Variants in ZNF827 observed in about 807,000 individuals in gnomAD.
ZNF827 encodes zinc finger protein 827.
A neutral mutation model predicts 102.4 loss-of-function variants in ZNF827; 13 were observed. The ratio of observed to expected loss-of-function variants is 0.13; its 90% confidence interval spans 0.08 to 0.20. The LOEUF (loss-of-function observed/expected upper bound fraction) is 0.20. ZNF827 is among the 10% of genes least tolerant of loss of function. The pLI is 1.00. For synonymous variants in ZNF827, 523 were observed against 536.2 expected (o/e 0.98, Z 0.34); for missense variants, 1,103 against 1,344.4 (o/e 0.82, Z 2.81).
chr4:145,833,701 T>A (rs894448699), intron 7 of ZNF827, among the ~76,000 whole-genome samples: 4 of 145,360 alleles, frequency 2.8e-5, no homozygotes, highest in African/African-American at 1.0e-4. Context: ...CGTATCTCTG[T>A]GCCCCAATCC....
chr4:145,778,424 G>A (rs1334487629), intron 9 of ZNF827, among the ~76,000 whole-genome samples: 3 of 152,186 alleles, frequency 2.0e-5, no homozygotes, highest in East Asian at 1.9e-4. Context: ...GTGAGCCATC[G>A]CGCCCGACAA....
chr4:145,871,557 G>A (rs1047283494), intron 4 of ZNF827, among the ~76,000 whole-genome samples: 7 of 152,110 alleles, frequency 4.6e-5, no homozygotes, highest in Admixed American at 4.6e-4. Flanking sequence ...TAGGAACTTA[G>A]GATTGATTAC....
At chr4:145,918,652 C>T (rs1752856737) in intron 1 of ZNF827, among the ~76,000 whole-genome samples, 1 of 152,154 alleles carries the variant, frequency 6.6e-6, no homozygotes, top group South Asian at 2.1e-4. Flanking sequence ...TCAGTGGTTT[C>T]CAAACCACAC....
rs765986248 is a variant in ZNF827 at position 145,902,309 on chromosome 4, G to A, written c.950C>T (p.Pro317Leu). ...TTCTGGTTTCTTCTCTGAAGGCGGG[G>A]GCGGTAGAGGGTCCTCAGGCAGCAG... ...SSLLPEDPLPPPPSEKKPEKV... is the reference protein window; with the variant it reads ...SSLLPEDPLPLPPSEKKPEKV... Residue 317 changes from proline to leucine, a missense_variant, in exon 2 of 15, where the codon CCC (proline) becomes CTC (leucine). Pro to Leu is a moderately conservative substitution (Grantham distance 98, BLOSUM62 -3). Around this residue, in one of 5 missense-constraint regions of ZNF827, gnomAD observed 441 missense variants for 458.6 expected, o/e 0.96. Coordinates refer to ENST00000508784, the MANE Select transcript of ZNF827 (RefSeq NM_001306215.2). The surrounding 1 kb of genome is among the most constrained non-coding windows in gnomAD (Gnocchi z 4.3). The A allele has an allele frequency of 6.3e-6, 10 of 1,598,822 alleles. No individual in the cohort carries two copies. The highest frequency in any genetic ancestry group is 7.7e-6 in the Non-Finnish European group (9 of 1,172,960).
chr4:145,848,372 G>A (rs1042620361), intron 6 of ZNF827, among the ~76,000 whole-genome samples: 1 of 152,224 alleles, frequency 6.6e-6, no homozygotes, highest in Non-Finnish European at 1.5e-5. Context: ...AGGTCAATGA[G>A]AAGGTGAACT....
chr4:145,831,984 T>A (rs1744252439), intron 7 of ZNF827: 1 of 152,034 alleles, frequency 6.6e-6, no homozygotes, highest in South Asian at 2.1e-4. Flanking sequence ...AATACAAGAC[T>A]GTGCATGATG....
At chr4:145,858,172 T>TGTGC (rs1187352288) in intron 5 of ZNF827, among the ~76,000 whole-genome samples, 2 of 147,864 alleles carry the variant, frequency 1.4e-5, no homozygotes, top group African/African-American at 5.0e-5. Flanking sequence ...TGTGTGTGTG[T>TGTGC]GCACATGTGG....
chr4:145,808,112 A>C (rs1183825941), intron 8 of ZNF827, among the ~76,000 whole-genome samples: 2 of 150,910 alleles, frequency 1.3e-5, no homozygotes, highest in Non-Finnish European at 1.5e-5. Context: ...GCAAGTGACT[A>C]TACAGTACAT....
At chr4:145,846,035 C>T in intron 6 of ZNF827, 22 bp from the exon 7 acceptor site, 2 of 1,613,494 alleles carry the variant, frequency 1.2e-6, no homozygotes, top group Non-Finnish European at 1.7e-6. Flanking sequence ...AAGAATGAAA[C>T]ATACACCTCT....
chr4:145,840,705 C>T (rs1215857601), intron 7 of ZNF827, among the ~76,000 whole-genome samples: 3 of 152,042 alleles, frequency 2.0e-5, no homozygotes, highest in East Asian at 1.9e-4. Flanking sequence ...TCTTTTATTC[C>T]TTCCAAAGAA....
intron 11 of ZNF827, among the ~76,000 whole-genome samples, chr4:145,773,562 G>T (rs573938631): frequency 3.9e-5 from 6 of 152,172 alleles, no homozygotes; most frequent in Non-Finnish European, 7.3e-5. Context: ...AAATGCAGAC[G>T]GAGCTCCTCC....
chr4:145,849,431 T>A lies in ZNF827; in HGVS notation c.2112A>T (p.Lys704Asn). ...CTGGCATCTTCTGTAAGGGTTCGGT[T>A]TTCTCTCGCCCGATTAAAGTGCTGT... The part of the protein sequence containing the change: ...VGYSTLIGRE[K>N]TEPLQKMPEG... The change falls in exon 6 of 15, where the codon AAA (lysine) becomes AAT (asparagine). Residue 704 changes from lysine to asparagine, a missense_variant. This residue lies in a region of ZNF827 where 243 missense variants were observed against 251.6 expected (regional missense o/e 0.97). Coordinates refer to ENST00000508784, the MANE Select transcript of ZNF827 (RefSeq NM_001306215.2). The A allele has an allele frequency of 6.2e-7, 1 of 1,614,128 alleles. No homozygotes were observed. The highest frequency in any genetic ancestry group is 8.5e-7 in the Non-Finnish European group (1 of 1,180,020).
rs572670811 is a variant in ZNF827, at chr4:145,814,048, C to T, written c.2383+9374G>A. On this transcript the variant is annotated intron_variant, in intron 8 of 14. Transcript: ENST00000508784. ...AGTTACAGGTTGAGCCTCCCAAATC[C>T]GGAAACCCCAAATCCGAAATGCTCA... Among the ~76,000 whole-genome samples, 106 of 152,242 alleles carry T rather than the reference C, an allele frequency of 7.0e-4. 2 individuals are homozygous for T. The highest frequency in any genetic ancestry group is 3.4e-3 in the Middle Eastern group (1 of 294).
Position 145,892,286 on chromosome 4 carries a change from G to A in ZNF827, c.1223C>T (p.Pro408Leu). 1 of 1,614,000 alleles carries A rather than the reference G, an allele frequency of 6.2e-7. No homozygotes were observed. Among genetic ancestry groups the A allele is most frequent in the South Asian group, 1.1e-5 (1 of 91,036 alleles). ...GLKSHQCPLC[P>L]FRCARKDNLK... ...ATTGTCCTTGCGAGCACACCGGAAT[G>A]GACAGAGCGGACACTGATGACTTTT... The change falls in exon 3 of 15, where the codon CCA (proline) becomes CTA (leucine). Residue 408 changes from proline to leucine, a missense_variant. Physicochemically the swap from Pro to Leu is moderately conservative, Grantham distance 98. Transcript: ENST00000508784.
rs767296093 is a variant in ZNF827 at position 145,903,020 on chromosome 4, G to A, written c.239C>T (p.Thr80Met). The A allele has an allele frequency of 1.1e-5, 17 of 1,614,188 alleles. No individual in the cohort carries two copies. The highest frequency in any genetic ancestry group is 1.4e-5 in the Non-Finnish European group (16 of 1,180,036). Residue 80 changes from threonine (T) to methionine (M), a missense_variant, in exon 2 of 15, where the codon ACG becomes ATG. Thr to Met is a moderately conservative substitution (Grantham distance 81, BLOSUM62 -1). Around this residue, in one of 5 missense-constraint regions of ZNF827, gnomAD observed 441 missense variants for 458.6 expected, o/e 0.96. Transcript: ENST00000508784. ...ACTGTCCAGTGCCACCAGCTCCAAC[G>A]TGTGGCTGCTGGGAGTCGTGCTTCC... is the stretch of plus-strand genomic sequence containing the variant. ...SLGSTTPSSH[T>M]LELVALDSEV...
intron 1 of ZNF827, among the ~76,000 whole-genome samples, chr4:145,918,074 C>T (rs1752798585): frequency 6.6e-6 from 1 of 151,996 alleles, no homozygotes; most frequent in Non-Finnish European, 1.5e-5. Context: ...TACGGTTTTG[C>T]CATTACTTTT....
intron 8 of ZNF827, among the ~76,000 whole-genome samples, chr4:145,804,191 G>T (rs1439301510): frequency 6.6e-6 from 1 of 152,144 alleles, no homozygotes; most frequent in South Asian, 2.1e-4. Flanking sequence ...CACTTGTAAA[G>T]GTTTCTCCTC....
At chr4:145,872,443 A>G (rs1194196011) in intron 4 of ZNF827, among the ~76,000 whole-genome samples, 8 of 152,226 alleles carry the variant, frequency 5.3e-5, no homozygotes, top group African/African-American at 1.9e-4. Flanking sequence ...AAACCTGCTG[A>G]CACCTTGATA....
At chr4:145,803,912 C>G (rs1741160531) in intron 8 of ZNF827, among the ~76,000 whole-genome samples, 1 of 138,842 alleles carries the variant, frequency 7.2e-6, no homozygotes, top group Non-Finnish European at 1.7e-5. Context: ...ATGTAGTTTA[C>G]CCTAACTTCA....
Sources: gnomAD v4.1 joint callset for allele counts (sites outside exome capture counted in the v4.1 genomes callset) on GRCh38, gnomAD v4.1.1 for gene constraint, gnomAD v4.1.1 regional missense constraint, Gnocchi (gnomAD v3.1) non-coding constraint, MANE v1.5 for transcripts, NCBI Gene and HGNC (gene_info 2026-07-23, HGNC 2026-07-21) for gene names.